Variants in TPO observed in about 807,000 individuals in gnomAD.
The protein encoded by TPO is thyroid peroxidase, also known as thyroid microsomal antigen.
A neutral mutation model predicts 96.9 loss-of-function variants in TPO; 78 were observed. That is an observed-to-expected ratio of 0.81 (90% CI 0.67 to 0.97). TPO has a LOEUF of 0.97. Ranked by LOEUF, TPO falls within the 50% of genes least tolerant of loss-of-function variation. TPO has a pLI of 0.00. For synonymous variants in TPO, 547 were observed against 538.0 expected, an observed-to-expected ratio of 1.02 and a Z score of -0.23; for missense variants, 1,252 against 1,274.8, an observed-to-expected ratio of 0.98 and a Z score of 0.27.
At chr2:1,514,274 C>T (rs1674458846) in intron 14 of TPO, among the ~76,000 whole-genome samples, 3 of 152,202 alleles carry the variant, frequency 2.0e-5, no homozygotes, top group Admixed American at 1.3e-4. Context: ...TGGGGAGAGC[C>T]GTCTGCTTTT....
Position 1,526,355 on chromosome 2 carries a change from C to G in TPO, c.2618+9373C>G, listed in dbSNP as rs1485701650. ...CCCCCCAGTGTGTGCAACCTCAATT[C>G]CCCCCACTGTGTGCAACCCCCCAAA... On this transcript the variant is annotated intron_variant, in intron 15 of 16. Coordinates refer to ENST00000329066, the MANE Select transcript of TPO (RefSeq NM_001206744.2). Among the ~76,000 whole-genome samples, 216 of 48,636 alleles carry G rather than the reference C, an allele frequency of 4.4e-3. 4 individuals are homozygous for G. Among genetic ancestry groups the G allele is most frequent in the African/African-American group, 0.016 (211 of 13,448 alleles). 31.9% of individuals were successfully genotyped at this position (48,636 alleles called of 152,430 possible).
rs186601248 is a variant in TPO, at chr2:1,510,592, C to T, written c.2519-6291C>T. 3.8e-4 allele frequency among the ~76,000 whole-genome samples: 58 copies of T among 152,304 alleles called. 1 individual carries two copies. The highest frequency in any genetic ancestry group is 6.6e-4 in the Non-Finnish European group (45 of 68,028). On this transcript the variant is annotated intron_variant, in intron 14 of 16. Transcript: ENST00000329066. ...AGATGAATTCGTGCCTAAGAGGGCT[C>T]ACCCACTACGTCTCTTCCTCCTCCC...
At position 1,433,064 on chromosome 2, in the gene TPO, G is replaced by C. The variant is rs138894514; in HGVS notation, c.180-374G>C. ...TTGGCTCTGAGATCAGGGCAGGGCT[G>C]TGCGCTTCCCAGTCTCCTGTTTCAT... On this transcript the variant is annotated intron_variant, in intron 3 of 16. Coordinates refer to ENST00000329066, the MANE Select transcript of TPO (RefSeq NM_001206744.2). Among the ~76,000 whole-genome samples, 415 of 152,274 alleles carry C rather than the reference G, an allele frequency of 2.7e-3. 1 individual carries two copies. Among genetic ancestry groups the C allele is most frequent in the Admixed American group, 7.3e-3 (112 of 15,302 alleles).
At position 1,477,352 on chromosome 2, in the gene TPO, CT is replaced by C. The variant is rs1670059287; in HGVS notation, c.1087del (p.Tyr363ThrfsTer41). 2 of 1,546,512 alleles carry C rather than the reference CT, an allele frequency of 1.3e-6. No individual in the cohort carries two copies. The highest frequency in any genetic ancestry group is 1.9e-5 in the Admixed American group (1 of 51,310). On this transcript the variant is annotated frameshift_variant, in exon 8 of 17. Coordinates refer to ENST00000329066, the MANE Select transcript of TPO (RefSeq NM_001206744.2). LOFTEE classifies it high-confidence loss of function. ...CGCGCCTCCGGGACTCCGGCCGCGC[CT>C]ACCTGCCCTTCGTGCCGCCACGCGC... ...HARLRDSGRA[Y>X]LPFVPPRAPA...
chr2:1,500,570 G>A (rs2124976014), intron 13 of TPO, among the ~76,000 whole-genome samples: 1 of 152,310 alleles, frequency 6.6e-6, no homozygotes, highest in East Asian at 1.9e-4. Context: ...AGAAAGGAAG[G>A]CTACGGGCTT....
At chr2:1,478,126 A>G in intron 8 of TPO, 1 of 985,444 alleles carries the variant, frequency 1.0e-6, no homozygotes, top group Non-Finnish European at 1.2e-6. Context: ...TTCTGAACTA[A>G]CAAGTTAGAG....
chr2:1,479,735 G>A (rs943987883), intron 8 of TPO, among the ~76,000 whole-genome samples: 9 of 152,044 alleles, frequency 5.9e-5, no homozygotes, highest in Non-Finnish European at 1.0e-4. Flanking sequence ...GGCTGCTGCT[G>A]CTCCTCCTTG....
intron 7 of TPO, 95 bp from the exon 8 acceptor site, chr2:1,476,991 C>A (rs1670007249): frequency 6.9e-7 from 1 of 1,447,186 alleles, no homozygotes; most frequent in Non-Finnish European, 9.2e-7. Flanking sequence ...GAGAAACGTG[C>A]GGCGCTGCGG....
rs566946438 is a variant in TPO, at chr2:1,493,911, C to G, written c.1878C>G (p.Tyr626Ter). 1 of 1,614,228 alleles carries G rather than the reference C, an allele frequency of 6.2e-7. No individual in the cohort carries two copies. Among genetic ancestry groups the G allele is most frequent in the African/African-American group, 1.3e-5 (1 of 75,070 alleles). The change falls in exon 11 of 17, where the codon TAC (tyrosine) becomes TAG (stop). Residue 626 changes from tyrosine to a stop codon, truncating the protein, a stop_gained. Coordinates refer to ENST00000329066, the MANE Select transcript of TPO (RefSeq NM_001206744.2). LOFTEE classifies it high-confidence loss of function. ...TGGCCGACAAGATCCTGGACTTGTA[C>G]AAGCATCCTGACAACATCGATGTCT... ...RSVADKILDL[Y>*]KHPDNIDVWL...
At chr2:1,458,349 G>A (rs1668078661) in intron 7 of TPO, among the ~76,000 whole-genome samples, 1 of 151,786 alleles carries the variant, frequency 6.6e-6, no homozygotes. Flanking sequence ...TGTGTATATA[G>A]TATATAAGAC....
At chr2:1,410,202 G>A (rs982151666), upstream of TPO, among the ~76,000 whole-genome samples, 19 of 152,218 alleles carry the variant, frequency 1.2e-4, no homozygotes, top group African/African-American at 4.6e-4. Context: ...TCACCCCACA[G>A]TGTTTACATG....
At chr2:1,534,629 C>G (rs1306085858) in intron 15 of TPO, among the ~76,000 whole-genome samples, 2 of 151,222 alleles carry the variant, frequency 1.3e-5, no homozygotes, top group African/African-American at 2.4e-5. Flanking sequence ...GCAACCTCCA[C>G]AAATCCCGCC....
chr2:1,456,020 C>T (rs1205075751), intron 6 of TPO, 56 bp from the exon 7 acceptor site: 21 of 1,559,994 alleles, frequency 1.3e-5, no homozygotes, highest in Middle Eastern at 1.8e-4. Flanking sequence ...AAAGGGTCAT[C>T]TTTCTGCTAC....
At chr2:1,436,483 T>A in intron 5 of TPO, 99 bp downstream of exon 5, 1 of 1,539,946 alleles carries the variant, frequency 6.5e-7, no homozygotes, top group Non-Finnish European at 8.9e-7. Context: ...GGTGGATCTG[T>A]ATCCACCCCT....
intron 7 of TPO, among the ~76,000 whole-genome samples, chr2:1,475,861 C>T (rs1669876326): frequency 6.6e-6 from 1 of 152,236 alleles, no homozygotes; most frequent in African/African-American, 2.4e-5. Flanking sequence ...TTGGGCTGCA[C>T]AGCTGCCAGG....
At chr2:1,450,622 TC>T (rs1261951145) in intron 5 of TPO, among the ~76,000 whole-genome samples, 1 of 152,152 alleles carries the variant, frequency 6.6e-6, no homozygotes, top group African/African-American at 2.4e-5. Flanking sequence ...CCCTTCTCAG[TC>T]CTGCTGACCT....
upstream of TPO, among the ~76,000 whole-genome samples, chr2:1,411,944 C>T (rs1166814678): frequency 1.3e-5 from 2 of 152,194 alleles, no homozygotes; most frequent in African/African-American, 2.4e-5. Flanking sequence ...GGGACTGTGT[C>T]CCCTAGACGC....
intron 15 of TPO, among the ~76,000 whole-genome samples, chr2:1,523,073 C>T (rs948813739): frequency 1.4e-5 from 2 of 147,302 alleles, no homozygotes; most frequent in South Asian, 2.2e-4. Flanking sequence ...CACCAAATCC[C>T]GACACTGTGT....
At chr2:1,409,779 C>CA (rs1177582714), upstream of TPO, among the ~76,000 whole-genome samples, 14 of 126,646 alleles carry the variant, frequency 1.1e-4, no homozygotes, top group Non-Finnish European at 1.8e-4. Flanking sequence ...TTTAAAAATA[C>CA]AAAAAACAGT....
Sources: gnomAD v4.1 joint callset for allele counts (sites outside exome capture counted in the v4.1 genomes callset) on GRCh38, gnomAD v4.1.1 for gene constraint, MANE v1.5 for transcripts, NCBI Gene and HGNC (gene_info 2026-07-23, HGNC 2026-07-21) for gene names.